C3orf52: variants seen among roughly 807,000 people sequenced by gnomAD.
The protein encoded by C3orf52 is TPA-induced transmembrane protein.
Under a neutral mutation model 24.8 loss-of-function variants are expected in C3orf52, and 22 were observed. The ratio of observed to expected loss-of-function variants is 0.89; its 90% CI spans 0.63 to 1.27. The LOEUF is 1.27. Ranked by LOEUF, C3orf52 falls within the 50% of genes most tolerant of loss-of-function variation. C3orf52 has a pLI of 0.00. For missense variants in C3orf52, 265 were observed against 260.7 expected, an observed-to-expected ratio of 1.02 and a Z score of -0.11; for synonymous variants, 93 against 100.2, an observed-to-expected ratio of 0.93 and a Z score of 0.43.
intron 3 of C3orf52, among the ~76,000 whole-genome samples, chr3:112,104,687 TTACATGAA>T (rs2074007817): frequency 6.6e-6 from 1 of 152,180 alleles, no homozygotes; most frequent in African/African-American, 2.4e-5. Context: ...TGGTATTTGG[TTACATGAA>T]TAAGTTCTTT....
intron 3 of C3orf52, among the ~76,000 whole-genome samples, chr3:112,104,808 G>A (rs1330893143): frequency 1.3e-5 from 2 of 152,074 alleles, no homozygotes; most frequent in East Asian, 3.9e-4. Context: ...TTTCCATCAA[G>A]TCCTTGAAGT....
At chr3:112,106,615 AG>A (rs912533496) in intron 3 of C3orf52, among the ~76,000 whole-genome samples, 3 of 152,226 alleles carry the variant, frequency 2.0e-5, no homozygotes, top group Non-Finnish European at 4.4e-5. Flanking sequence ...GGAAGTAACA[AG>A]GGTTTTAGGA....
intron 3 of C3orf52, among the ~76,000 whole-genome samples, chr3:112,103,637 A>G (rs1008357101): frequency 6.6e-6 from 1 of 152,200 alleles, no homozygotes; most frequent in Non-Finnish European, 1.5e-5. Flanking sequence ...ATAGTGTGGT[A>G]TGTTCTAGTG....
downstream of C3orf52, chr3:112,133,064 T>G (rs768935212): frequency 3.7e-6 from 6 of 1,610,946 alleles, no homozygotes; most frequent in Non-Finnish European, 5.1e-6. Flanking sequence ...CCATCTCCTC[T>G]GCTCTCCCAC....
chr3:112,102,171 A>G (rs16859186), intron 2 of C3orf52, among the ~76,000 whole-genome samples: 14,334 of 151,726 alleles, frequency 0.094, 1,258 homozygotes, highest in African/African-American at 0.23. Flanking sequence ...CAAGACATGG[A>G]CTCGCATGCT....
downstream of C3orf52, chr3:112,130,721 G>A: frequency 3.4e-6 from 2 of 580,316 alleles, no homozygotes; most frequent in East Asian, 5.9e-5. Flanking sequence ...CACAGCAACA[G>A]CCCACTGATG....
chr3:112,102,826 T>C lies in C3orf52; in HGVS notation c.269-12T>C. On this transcript the variant is annotated splice_polypyrimidine_tract_variant and intron_variant, in intron 2 of 5. Coordinates refer to ENST00000264848, the MANE Select transcript of C3orf52 (RefSeq NM_024616.3). ...TTTTGTTTTTCATTTCCACCTCCCC[T>C]ACTTTCTTTAGTAACTTATGTTGAT... 5 of 1,545,736 alleles carry C rather than the reference T, an allele frequency of 3.2e-6. No individual in the cohort carries two copies. Among genetic ancestry groups the C allele is most frequent in the Non-Finnish European group, 4.4e-6 (5 of 1,145,640 alleles).
downstream of C3orf52, chr3:112,134,876 G>A (rs903321884): frequency 1.3e-5 from 2 of 154,886 alleles, no homozygotes; most frequent in African/African-American, 4.8e-5. Flanking sequence ...CTAAGTGAAA[G>A]AGACCAGACT....
At chr3:112,123,675 T>C in intron 4 of C3orf52, 1 of 1,614,190 alleles carries the variant, frequency 6.2e-7, no homozygotes, top group Non-Finnish European at 8.5e-7. Context: ...ATTCTCATAG[T>C]ACTCTTCAGC....
intron 2 of C3orf52, among the ~76,000 whole-genome samples, chr3:112,097,780 A>T (rs960332821): frequency 2.0e-5 from 3 of 152,176 alleles, no homozygotes; most frequent in Non-Finnish European, 4.4e-5. Flanking sequence ...CTCTACCAAG[A>T]TGGACACCCT....
chr3:112,132,771 C>T (rs2074488179), downstream of C3orf52: 1 of 518,694 alleles, frequency 1.9e-6, no homozygotes, highest in Non-Finnish European at 2.6e-6. Context: ...CTCAGGAGAG[C>T]ATCTCCTTCC....
At chr3:112,109,350 G>A (rs1242460135) in intron 3 of C3orf52, among the ~76,000 whole-genome samples, 193 bp from the exon 4 acceptor site, 1 of 152,196 alleles carries the variant, frequency 6.6e-6, no homozygotes, top group East Asian at 1.9e-4. Context: ...TATAAATGGA[G>A]TTCTTTTGAA....
intron 3 of C3orf52, among the ~76,000 whole-genome samples, chr3:112,104,357 G>C (rs2074005472): frequency 6.6e-6 from 1 of 152,198 alleles, no homozygotes; most frequent in South Asian, 2.1e-4. Context: ...CTAGGCAAGA[G>C]CAGGCTGCCC....
chr3:112,107,111 T>C (rs9288936), intron 3 of C3orf52, among the ~76,000 whole-genome samples: 9,346 of 152,216 alleles, frequency 0.061, 390 homozygotes, highest in African/African-American at 0.12. Context: ...TAAAAATGAT[T>C]TAGTCGACCA....
intron 2 of C3orf52, among the ~76,000 whole-genome samples, chr3:112,100,440 C>T (rs912781534): frequency 2.0e-5 from 3 of 152,154 alleles, no homozygotes; most frequent in African/African-American, 7.2e-5. Context: ...GTAAGCCTGT[C>T]GTTGTTACTA....
chr3:112,120,203 C>G (rs1036954320), downstream of C3orf52, among the ~76,000 whole-genome samples: 4 of 152,236 alleles, frequency 2.6e-5, no homozygotes, highest in African/African-American at 9.6e-5. Flanking sequence ...ACACTCAGAT[C>G]AAGTGGGTTT....
At chr3:112,120,878 A>G, downstream of C3orf52, 1 of 152,204 alleles carries the variant, frequency 6.6e-6, no homozygotes, top group East Asian at 1.9e-4. Flanking sequence ...GAAATTTGAG[A>G]CATCCTACAT....
intron 2 of C3orf52, 57 bp from the exon 3 acceptor site, chr3:112,102,781 T>C: frequency 6.9e-7 from 1 of 1,443,358 alleles, no homozygotes. Flanking sequence ...ATAAGTTTAT[T>C]ATTATATGCA....
intron 2 of C3orf52, among the ~76,000 whole-genome samples, chr3:112,098,674 T>C (rs551443551): frequency 6.6e-6 from 1 of 152,204 alleles, no homozygotes; most frequent in Non-Finnish European, 1.5e-5. Context: ...AGAAATTTAT[T>C]GCTTACAGTT....
Sources: gnomAD v4.1 joint callset for allele counts (sites outside exome capture counted in the v4.1 genomes callset) on GRCh38, gnomAD v4.1.1 for gene constraint, MANE v1.5 for transcripts, NCBI Gene and HGNC (gene_info 2026-07-23, HGNC 2026-07-21) for gene names.